The following NTN4 variants were observed in gnomAD, a reference collection of about 807,000 sequenced individuals.
NTN4 encodes netrin-4.
A neutral mutation model predicts 73.6 loss-of-function variants in NTN4; 32 were observed. That is an observed-to-expected ratio of 0.44 (90% CI 0.33 to 0.58). The LOEUF (loss-of-function observed/expected upper bound fraction) is 0.58, where lower values mean the gene tolerates loss of function less well. Among genes scored for constraint, NTN4 ranks in the 20% least tolerant of loss-of-function variants. The pLI is 0.04. For synonymous variants in NTN4, 258 were observed against 287.5 expected (o/e 0.90, Z 1.04); for missense variants, 654 against 798.3 (o/e 0.82, Z 2.18).
At chr12:95,724,298 A>AT (rs1386586293) in intron 3 of NTN4, among the ~76,000 whole-genome samples, 3 of 152,226 alleles carry the variant, frequency 2.0e-5, no homozygotes, top group Admixed American at 2.0e-4. Flanking sequence ...CAATTATGAG[A>AT]TTTTTTTCCA....
At chr12:95,693,771 C>T (rs921800938) in intron 5 of NTN4, among the ~76,000 whole-genome samples, 8 of 150,026 alleles carry the variant, frequency 5.3e-5, no homozygotes, top group African/African-American at 2.0e-4. Flanking sequence ...AAAAAATTAA[C>T]CTATTACTCT....
intron 2 of NTN4, among the ~76,000 whole-genome samples, chr12:95,785,371 A>T (rs2079159833): frequency 6.6e-6 from 1 of 152,244 alleles, no homozygotes; most frequent in African/African-American, 2.4e-5. Context: ...AAACAATGAG[A>T]CTAACTTATC....
At chr12:95,690,733 G>A (rs1020575249) in intron 5 of NTN4, among the ~76,000 whole-genome samples, 11 of 151,864 alleles carry the variant, frequency 7.2e-5, no homozygotes, top group African/African-American at 1.9e-4. Flanking sequence ...TTGAGATGAC[G>A]AAACCTATAG....
intron 5 of NTN4, among the ~76,000 whole-genome samples, chr12:95,686,932 C>T (rs1014549810): frequency 2.0e-5 from 3 of 152,116 alleles, no homozygotes; most frequent in Admixed American, 1.3e-4. Flanking sequence ...TTGGGTGTAC[C>T]GTTCATCCCT....
chr12:95,663,299 A>G (rs1459256197), intron 9 of NTN4: 1 of 152,196 alleles, frequency 6.6e-6, no homozygotes, highest in Non-Finnish European at 1.5e-5. Context: ...CATCACACCA[A>G]AAACAAATAT....
chr12:95,752,954 C>T (rs2078921312), intron 2 of NTN4, among the ~76,000 whole-genome samples: 2 of 152,214 alleles, frequency 1.3e-5, no homozygotes, highest in Admixed American at 1.3e-4. Flanking sequence ...CCGGCTCCTT[C>T]AGCTGTGCTC....
intron 3 of NTN4, among the ~76,000 whole-genome samples, chr12:95,723,298 C>G (rs924733752): frequency 3.4e-5 from 5 of 148,570 alleles, no homozygotes; most frequent in African/African-American, 1.2e-4. Context: ...TGCCCACCAC[C>G]AAGAGATTAC....
At chr12:95,663,750 G>A (rs1459862035) in intron 9 of NTN4, 3 of 152,250 alleles carry the variant, frequency 2.0e-5, no homozygotes, top group East Asian at 3.9e-4. Context: ...AAATAATTGC[G>A]CTTATGTTTT....
intron 2 of NTN4, among the ~76,000 whole-genome samples, chr12:95,751,576 C>CA (rs1190589763): frequency 1.3e-5 from 2 of 151,944 alleles, no homozygotes; most frequent in African/African-American, 4.8e-5. Context: ...CAGCCACTCC[C>CA]AGAGCCCCTG....
At chr12:95,770,062 T>C (rs2079047017) in intron 2 of NTN4, among the ~76,000 whole-genome samples, 1 of 152,216 alleles carries the variant, frequency 6.6e-6, no homozygotes, top group East Asian at 1.9e-4. Flanking sequence ...CGGCGGGTTT[T>C]CAATCTTGTC....
At chr12:95,761,663 T>C (rs920601932) in intron 2 of NTN4, among the ~76,000 whole-genome samples, 7 of 152,052 alleles carry the variant, frequency 4.6e-5, no homozygotes, top group Admixed American at 4.6e-4. Context: ...GTAAAGTGCG[T>C]CAAAAGACAT....
At chr12:95,703,929 T>TA (rs200366055) in intron 5 of NTN4, among the ~76,000 whole-genome samples, 4 of 151,958 alleles carry the variant, frequency 2.6e-5, no homozygotes, top group Admixed American at 6.6e-5. Flanking sequence ...CTCTCAACCT[T>TA]AAAAAAAAAT....
intron 3 of NTN4, among the ~76,000 whole-genome samples, chr12:95,733,543 G>T (rs2078753651): frequency 6.6e-6 from 1 of 152,220 alleles, no homozygotes; most frequent in African/African-American, 2.4e-5. Flanking sequence ...ACAAAAGGTA[G>T]ATATTATCCT....
In NTN4 at chr12:95,671,751, C is replaced by T. The variant is rs185041116; in HGVS notation, c.1511-1605G>A. 1.2e-3 allele frequency among the ~76,000 whole-genome samples: 181 copies of T among 152,320 alleles called. 1 individual carries two copies. The highest frequency in any genetic ancestry group is 3.9e-3 in the Admixed American group (60 of 15,296). ...TATTCGTTTCCTCTCTAGACTGTGT[C>T]CCTTCAAGACAATGGCTATATCTTA... On this transcript the variant is annotated intron_variant, in intron 7 of 9. Transcript: ENST00000343702.
At chr12:95,679,534 A>C (rs1163261934) in intron 7 of NTN4, among the ~76,000 whole-genome samples, 1 of 151,678 alleles carries the variant, frequency 6.6e-6, no homozygotes, top group African/African-American at 2.4e-5. Context: ...AATCCTTTGA[A>C]ACCCTGTAAT....
chr12:95,722,417 TA>T (rs942886198), intron 3 of NTN4, among the ~76,000 whole-genome samples: 2 of 148,326 alleles, frequency 1.3e-5, no homozygotes, highest in Admixed American at 1.3e-4. Flanking sequence ...CTTCCACTCA[TA>T]AATTGGAGAC....
At chr12:95,757,553 T>C (rs1023899151) in intron 2 of NTN4, among the ~76,000 whole-genome samples, 8 of 151,870 alleles carry the variant, frequency 5.3e-5, no homozygotes, top group African/African-American at 1.9e-4. Flanking sequence ...ATAAGAGATG[T>C]AGTGGGGAGC....
At chr12:95,684,239 G>A (rs968190992) in intron 5 of NTN4, among the ~76,000 whole-genome samples, 1 of 152,146 alleles carries the variant, frequency 6.6e-6, no homozygotes, top group African/African-American at 2.4e-5. Flanking sequence ...AGTGGAAGAG[G>A]ATTCAGGGGA....
At chr12:95,663,181 A>C (rs1361823610) in intron 9 of NTN4, among the ~76,000 whole-genome samples, 1 of 152,162 alleles carries the variant, frequency 6.6e-6, no homozygotes, top group Non-Finnish European at 1.5e-5. Flanking sequence ...TTTTACATGA[A>C]TTTACTTTGA....
Sources: gnomAD v4.1 joint callset for allele counts (sites outside exome capture counted in the v4.1 genomes callset) on GRCh38, gnomAD v4.1.1 for gene constraint, MANE v1.5 for transcripts, NCBI Gene and HGNC (gene_info 2026-07-23, HGNC 2026-07-21) for gene names.